Variants in SLTM observed in about 807,000 individuals in gnomAD.
The protein encoded by SLTM is SAFB like transcription modulator.
Under a neutral mutation model 134.6 loss-of-function variants are expected in SLTM, and 43 were observed. The ratio of observed to expected loss-of-function variants is 0.32; its 90% CI spans 0.25 to 0.41. The LOEUF is 0.41. Among genes scored for constraint, SLTM ranks in the 10% least tolerant of loss-of-function variants. The probability of loss-of-function intolerance (pLI) is 1.00; values close to 1 mark genes in which losing one functional copy is unlikely to be tolerated. For missense variants in SLTM, 1,055 were observed against 1,288.8 expected (o/e 0.82, Z 2.78); for synonymous variants, 424 against 432.3 (o/e 0.98, Z 0.24).
At chr15:58,932,522 GCAAACCT>G in intron 1 of SLTM, 79 bp from the exon 2 acceptor site, 1 of 1,093,652 alleles carries the variant, frequency 9.1e-7, no homozygotes, top group Non-Finnish European at 1.4e-6. Context: ...AAAAAATTTA[GCAAACCT>G]CAAGCCTCAA....
intron 5 of SLTM, among the ~76,000 whole-genome samples, chr15:58,910,046 T>C (rs1399193542): frequency 6.6e-6 from 1 of 152,174 alleles, no homozygotes; most frequent in Non-Finnish European, 1.5e-5. Flanking sequence ...CTACAGAAAA[T>C]TGAACATTTG....
At position 58,894,034 on chromosome 15, in the gene SLTM, T is replaced by G. The variant is rs573589406; in HGVS notation, c.1482-47A>C. On this transcript the variant is annotated intron_variant, in intron 11 of 20. Coordinates refer to ENST00000380516, the MANE Select transcript of SLTM (RefSeq NM_024755.4). ...AAAAAACAGAATGAGTACTTCATAA[T>G]GTACCAAAAAAGTCTATCTGCTTAT... The G allele has an allele frequency of 9.4e-6, 15 of 1,602,400 alleles. No individual in the cohort carries two copies. In the African/African-American group the frequency reaches 1.6e-4, roughly 17 times the overall value.
chr15:58,918,361 T>A (rs2036790895), intron 2 of SLTM, among the ~76,000 whole-genome samples: 1 of 152,140 alleles, frequency 6.6e-6, no homozygotes, highest in Non-Finnish European at 1.5e-5. Context: ...GTAATCAGGG[T>A]AGAGGTTTAG....
At chr15:58,894,654 T>C (rs1484744960) in intron 9 of SLTM, 72 bp from the exon 10 acceptor site, 1 of 1,394,360 alleles carries the variant, frequency 7.2e-7, no homozygotes, top group African/African-American at 1.4e-5. Flanking sequence ...TACATGAAAC[T>C]TCACAACTGA....
In SLTM at chr15:58,893,075, T is replaced by C. The variant is rs748405260; in HGVS notation, c.1735-15A>G. On this transcript the variant is annotated splice_polypyrimidine_tract_variant and intron_variant, in intron 13 of 20. Transcript: ENST00000380516. Reference sequence around the variant, plus strand: ...CTTCCATGAATCTGTAGAAAAAAATTAGAAGAACACTAGAAATTAAAATAT... The same window carrying C: ...CTTCCATGAATCTGTAGAAAAAAATCAGAAGAACACTAGAAATTAAAATAT... 3.2e-6 allele frequency: 5 copies of C among 1,562,994 alleles called. No homozygotes were observed. Among genetic ancestry groups the C allele is most frequent in the East Asian group, 4.5e-5 (2 of 44,286 alleles).
chr15:58,922,567 T>TATATATTATATACATATAAA (rs1567158390), intron 2 of SLTM, among the ~76,000 whole-genome samples: 20 of 144,466 alleles, frequency 1.4e-4, no homozygotes, highest in African/African-American at 2.8e-4. Context: ...ATGTATATAA[T>TATATATTATATACATATAAA]ATATATTATA....
chr15:58,924,042 T>C (rs1162534218), intron 2 of SLTM, among the ~76,000 whole-genome samples: 1 of 152,138 alleles, frequency 6.6e-6, no homozygotes, highest in East Asian at 1.9e-4. Flanking sequence ...CTCGAACTCC[T>C]GGCCTCAAGT....
At chr15:58,895,424 ATGGT>A (rs1260610697) in intron 9 of SLTM, among the ~76,000 whole-genome samples, 2 of 152,212 alleles carry the variant, frequency 1.3e-5, no homozygotes, top group African/African-American at 4.8e-5. Flanking sequence ...ATTGTGTAAG[ATGGT>A]TAGTTAAGAG....
rs969879223 is a variant in SLTM at position 58,933,587 on chromosome 15, C to G, written c.-22G>C. On this transcript the variant is annotated 5_prime_UTR_variant, in exon 1 of 21. Coordinates refer to ENST00000380516, the MANE Select transcript of SLTM (RefSeq NM_024755.4). ...CCATCTTAGAAGAGCAGCGCGCTGCCGAGGCAGCGAGTGGGCTGCAGGGCG... is the reference window on the plus strand; with the variant it reads ...CCATCTTAGAAGAGCAGCGCGCTGCGGAGGCAGCGAGTGGGCTGCAGGGCG... 6.4e-7 allele frequency: 1 copy of G among 1,555,166 alleles called. No homozygotes were observed. The highest frequency in any genetic ancestry group is 8.7e-7 in the Non-Finnish European group (1 of 1,152,604).
At chr15:58,882,224 G>A (rs1395210877) in intron 20 of SLTM, among the ~76,000 whole-genome samples, 6 of 126,786 alleles carry the variant, frequency 4.7e-5, no homozygotes, top group African/African-American at 1.8e-4. Context: ...TAGGAATGAA[G>A]AAAGGTAAGG....
chr15:58,894,284 G>A (rs940529117), intron 10 of SLTM, 91 bp from the exon 11 acceptor site: 43 of 1,404,190 alleles, frequency 3.1e-5, no homozygotes, highest in Middle Eastern at 3.8e-4. Flanking sequence ...ATTTGGAAAC[G>A]ATAGGAAAAA....
intron 2 of SLTM, among the ~76,000 whole-genome samples, chr15:58,920,261 C>T (rs1413607807): frequency 2.0e-5 from 3 of 151,468 alleles, no homozygotes; most frequent in Non-Finnish European, 2.9e-5. Context: ...GTGGAGGTTG[C>T]GGTAAGCTGA....
chr15:58,918,866 GA>G (rs1411309110), intron 2 of SLTM, among the ~76,000 whole-genome samples: 1 of 147,678 alleles, frequency 6.8e-6, no homozygotes, highest in African/African-American at 2.5e-5. Context: ...CACTAAGAAA[GA>G]AAAAAAACTA....
Position 58,933,670 on chromosome 15 carries a change from T to A in SLTM, c.-105A>T. 1.1e-5 allele frequency: 15 copies of A among 1,327,500 alleles called. No individual in the cohort carries two copies. The highest frequency in any genetic ancestry group is 1.3e-5 in the Non-Finnish European group (14 of 1,041,446). 82.2% of individuals were successfully genotyped at this position (1,327,500 alleles called of 1,614,324 possible). A position where few individuals can be genotyped will look rare whatever the true frequency, so the allele number is the denominator to read the frequency against. ...GGCGGCCGCCGGCGCCGCGCAGCGC[T>A]GCGCACAATGAGCCGCTGGCCCCTC... On this transcript the variant is annotated 5_prime_UTR_variant, in exon 1 of 21. Transcript: ENST00000380516.
In SLTM at chr15:58,892,921, A is replaced by G. The variant is rs1244182938; in HGVS notation, c.1874T>C (p.Leu625Pro). 1 of 1,613,238 alleles carries G rather than the reference A, an allele frequency of 6.2e-7. No individual in the cohort carries two copies. Among genetic ancestry groups the G allele is most frequent in the Non-Finnish European group, 8.5e-7 (1 of 1,179,804 alleles). Residue 625 changes from leucine to proline, a missense_variant, in exon 14 of 21, where the codon CTG becomes CCG. Coordinates refer to ENST00000380516, the MANE Select transcript of SLTM (RefSeq NM_024755.4). The stretch of plus-strand genomic sequence containing the variant: ...CCTTCGAAGTTCCATTGCTCGTCGC[A>G]GCCTTTCAAAACGAACTAAATGTTC... ...LREHLVRFER[L>P]RRAMELRRRR...
chr15:58,912,732 G>T, intron 4 of SLTM, 122 bp from the exon 5 acceptor site: 1 of 757,252 alleles, frequency 1.3e-6, no homozygotes, highest in Non-Finnish European at 2.2e-6. Flanking sequence ...CGATACCATG[G>T]GTACTAAATC....
rs1157998918 is a variant in SLTM, at chr15:58,887,461, A to C, written c.2455T>G (p.Tyr819Asp). The C allele has an allele frequency of 1.2e-6, 2 of 1,613,938 alleles. No individual in the cohort carries two copies. ...ARREDPSFERYPKNFSDSRRN... is the reference protein window; with the variant it reads ...ARREDPSFERDPKNFSDSRRN... ...CTGGAGTCACTGAAATTTTTGGGAT[A>C]TCTTTCGAAGCTTGGATCTTCCCTT... is the stretch of plus-strand genomic sequence containing the variant. Residue 819 changes from tyrosine (Y) to aspartate (D), a missense_variant, in exon 18 of 21, where the codon TAT (tyrosine) becomes GAT (aspartate). Tyr to Asp is a radical substitution (Grantham distance 160). Transcript: ENST00000380516.
intron 3 of SLTM, among the ~76,000 whole-genome samples, chr15:58,915,960 C>G (rs1213531873): frequency 2.0e-5 from 3 of 151,190 alleles, no homozygotes; most frequent in African/African-American, 7.3e-5. Context: ...GATCACTTTT[C>G]ATTAAAATAA....
chr15:58,890,476 T>C lies in SLTM; in HGVS notation c.1899-15A>G. ...TCTCTCTTCGTCTACCAAAAATCAG[T>C]ATTTAGAAATACTTAAATTATGCTA... On this transcript the variant is annotated splice_polypyrimidine_tract_variant and intron_variant, in intron 14 of 20. Coordinates refer to ENST00000380516, the MANE Select transcript of SLTM (RefSeq NM_024755.4). 3 of 1,610,532 alleles carry C rather than the reference T, an allele frequency of 1.9e-6. No homozygotes were observed. Among genetic ancestry groups the C allele is most frequent in the Non-Finnish European group, 2.5e-6 (3 of 1,179,026 alleles).
Sources: allele counts gnomAD v4.1 joint callset (sites outside exome capture counted in the v4.1 genomes callset), GRCh38; gene constraint gnomAD v4.1.1; transcripts MANE v1.5; gene names NCBI Gene and HGNC (gene_info 2026-07-23, HGNC 2026-07-21).